Variants in ABCC6 observed in about 807,000 individuals in gnomAD.
ABCC6 encodes ATP-binding cassette sub-family C member 6.
ABCC6 carries 126 observed loss-of-function variants against 169.5 expected under a neutral mutation model. That is an observed-to-expected ratio of 0.74 (90% CI 0.64 to 0.86). ABCC6 has a LOEUF of 0.86. ABCC6 is among the 40% of genes least tolerant of loss of function. ABCC6 has a pLI of 0.00. For missense variants in ABCC6, 1,733 were observed against 1,927.2 expected, an observed-to-expected ratio of 0.90 and a Z score of 1.89; for synonymous variants, 752 against 814.7, an observed-to-expected ratio of 0.92 and a Z score of 1.31.
At chr16:16,189,270 A>T (rs756855352) in intron 12 of ABCC6, among the ~76,000 whole-genome samples, 41 of 152,224 alleles carry the variant, frequency 2.7e-4, no homozygotes, top group Non-Finnish European at 5.9e-4. Flanking sequence ...GGTTCCAGGC[A>T]TCGGGGGACA....
At chr16:16,201,598 G>A (rs752511632) in intron 9 of ABCC6, among the ~76,000 whole-genome samples, 1 of 152,072 alleles carries the variant, frequency 6.6e-6, no homozygotes, top group South Asian at 2.1e-4. Context: ...CTAAGGAGCT[G>A]AGACAGATCA....
In ABCC6 at chr16:16,157,589, A is replaced by G. The variant is rs1476648283; in HGVS notation, c.3882+74T>C. ...GACACTGTGGAGGTGGCTGGTGCCCAGGGTTTAGGGCCTTGTCCCTGGAGT... is the reference window on the plus strand; with the variant it reads ...GACACTGTGGAGGTGGCTGGTGCCCGGGGTTTAGGGCCTTGTCCCTGGAGT... On this transcript the variant is annotated intron_variant, in intron 27 of 30. Transcript: ENST00000205557. 1.9e-6 allele frequency: 3 copies of G among 1,596,340 alleles called. No individual in the cohort carries two copies. In the African/African-American group the frequency reaches 4.0e-5, roughly 21 times the overall value.
chr16:16,161,325 T>C, intron 25 of ABCC6, 113 bp downstream of exon 25: 1 of 1,513,074 alleles, frequency 6.6e-7, no homozygotes, highest in African/African-American at 1.4e-5. Flanking sequence ...GTGGAGGGAC[T>C]CCACACACCA....
chr16:16,168,064 A>G (rs532689280), intron 22 of ABCC6, among the ~76,000 whole-genome samples: 1 of 152,362 alleles, frequency 6.6e-6, no homozygotes, highest in South Asian at 2.1e-4. Context: ...TAGGACTAGA[A>G]GAGTCCTCAA....
intron 7 of ABCC6, 92 bp from the exon 8 acceptor site, chr16:16,203,705 A>G (rs1167536385): frequency 2.7e-5 from 37 of 1,394,850 alleles, no homozygotes; most frequent in African/African-American, 1.1e-4. Flanking sequence ...TTTTCCCAAC[A>G]GTGGAGATGG....
At chr16:16,197,996 A>C (rs774611901) in intron 10 of ABCC6, 25 bp downstream of exon 10, 1 of 1,610,790 alleles carries the variant, frequency 6.2e-7, no homozygotes, top group Non-Finnish European at 8.5e-7. Flanking sequence ...CTCCGTTCAA[A>C]TCCCGTCTTC....
intron 17 of ABCC6, 76 bp downstream of exon 17, chr16:16,182,336 C>T: frequency 6.4e-7 from 1 of 1,551,026 alleles, no homozygotes; most frequent in Non-Finnish European, 8.9e-7. Flanking sequence ...CATCATACTG[C>T]CCATGATGAG....
At chr16:16,217,216 C>T (rs1363268832) in intron 4 of ABCC6, among the ~76,000 whole-genome samples, 1 of 152,132 alleles carries the variant, frequency 6.6e-6, no homozygotes, top group Non-Finnish European at 1.5e-5. Context: ...TGGCAGATAG[C>T]AGACAATTGG....
Position 16,173,375 on chromosome 16 carries a change from C to T in ABCC6, c.2696G>A (p.Arg899His), listed in dbSNP as rs116355959. 2.1e-4 allele frequency: 343 copies of T among 1,614,032 alleles called. 1 individual carries two copies. In the African/African-American group the frequency reaches 3.9e-3, roughly 18 times the overall value. The change falls in exon 21 of 31, where the codon CGT (arginine) becomes CAT (histidine). Residue 899 changes from arginine (R) to histidine (H), a missense_variant. Arg to His is a conservative substitution (Grantham distance 29). This residue lies in a region of ABCC6 where 1,601 missense variants were observed against 1,635.5 expected (regional missense o/e 0.98). Transcript: ENST00000205557. ...RSIKSVPEKD[R>H]TTSEAQTEVP... ...CTCTGTCTGGGCTTCTGAAGTGGTACGGTCCTTCTCAGGGACTGACTTGAT... is the reference window on the plus strand; with the variant it reads ...CTCTGTCTGGGCTTCTGAAGTGGTATGGTCCTTCTCAGGGACTGACTTGAT...
rs545978523 is a variant in ABCC6, at chr16:16,153,491, C to T, written c.4208+1137G>A. Among the ~76,000 whole-genome samples the T allele has an allele frequency of 4.0e-5, 6 of 150,710 alleles. No individual in the cohort carries two copies. In the South Asian group the frequency reaches 1.3e-3, roughly 31 times the overall value. ...CTATGCAGTGTCTAGAGTAGTCACACTCAGAGAGACAGGAGAATGCTGGTG... is the reference window on the plus strand; with the variant it reads ...CTATGCAGTGTCTAGAGTAGTCACATTCAGAGAGACAGGAGAATGCTGGTG... On this transcript the variant is annotated intron_variant, in intron 29 of 30. Transcript: ENST00000205557.
chr16:16,198,315 C>T (rs1445809940), intron 9 of ABCC6, 133 bp from the exon 10 acceptor site: 2 of 894,276 alleles, frequency 2.2e-6, no homozygotes, highest in East Asian at 2.7e-5. Context: ...TTAGGCCAAC[C>T]TCTCAGGGCT....
At chr16:16,157,860 C>T (rs1356306432) in intron 26 of ABCC6, 51 bp from the exon 27 acceptor site, 2 of 1,576,230 alleles carry the variant, frequency 1.3e-6, no homozygotes, top group Non-Finnish European at 1.7e-6. Flanking sequence ...TAAGACTTCA[C>T]ACAAGATGGC....
chr16:16,200,429 GAAAAA>G (rs773448065), intron 9 of ABCC6, among the ~76,000 whole-genome samples: 1 of 46,986 alleles, frequency 2.1e-5, no homozygotes, highest in Non-Finnish European at 4.5e-5. Context: ...AACTCTGTCA[GAAAAA>G]AAAAAAAAAA....
At chr16:16,174,101 C>T (rs925458357) in intron 20 of ABCC6, among the ~76,000 whole-genome samples, 1 of 152,156 alleles carries the variant, frequency 6.6e-6, no homozygotes, top group Non-Finnish European at 1.5e-5. Flanking sequence ...TACATGTCTA[C>T]CTACCTTCTA....
intron 11 of ABCC6, among the ~76,000 whole-genome samples, chr16:16,191,091 G>T (rs1241901220): frequency 6.8e-6 from 1 of 146,386 alleles, no homozygotes; most frequent in Non-Finnish European, 1.5e-5. Flanking sequence ...GGGGCGGGGG[G>T]CATCATCAGA....
In ABCC6 at chr16:16,175,924, G is replaced by A. The variant is rs1420707553; in HGVS notation, c.2653C>T (p.Leu885Phe). 6.2e-7 allele frequency: 1 copy of A among 1,614,012 alleles called. No homozygotes were observed. Among genetic ancestry groups the A allele is most frequent in the African/African-American group, 1.3e-5 (1 of 74,920 alleles). Residue 885 changes from leucine to phenylalanine, a missense_variant, in exon 20 of 31, where the codon CTT becomes TTT. By Grantham distance (22) the Leu-to-Phe change is conservative. Around this residue, in one of 5 missense-constraint regions of ABCC6, gnomAD observed 1,601 missense variants for 1,635.5 expected, o/e 0.98. Coordinates refer to ENST00000205557, the MANE Select transcript of ABCC6 (RefSeq NM_001171.6). ...RGTSAGRRPE[L>F]RRERSIKSVP... is the part of the protein sequence containing the mutation. The stretch of plus-strand genomic sequence containing the variant: ...TGGTGGACTCACCTCTCGCGTCTAA[G>A]CTCGGGCCTCCTGCCTGCAGAGGTG...
At chr16:16,156,527 G>T (rs910069278) in intron 27 of ABCC6, among the ~76,000 whole-genome samples, 2 of 152,182 alleles carry the variant, frequency 1.3e-5, no homozygotes, top group East Asian at 3.9e-4. Flanking sequence ...GGGGAGGTTG[G>T]CAGGGCCTGG....
rs116562555 is a variant in ABCC6, at chr16:16,155,148, T to G, written c.3883-117A>C. The G allele has an allele frequency of 2.2e-4, 264 of 1,212,168 alleles. 1 individual carries two copies. The African/African-American group carries it at 3.6e-3, about 17-fold the overall frequency. 75.1% of individuals were successfully genotyped at this position (1,212,168 alleles called of 1,614,324 possible). A position where few individuals can be genotyped will look rare whatever the true frequency, so the allele number is the denominator to read the frequency against. ...ATCCATCCCTCATTGTGTAAAGGTC[T>G]ACCTTCCATCTCTCTTTCCATCTGT... On this transcript the variant is annotated intron_variant, in intron 27 of 30. Transcript: ENST00000205557.
In ABCC6 at chr16:16,185,080, G is replaced by A. The variant is rs115990368; in HGVS notation, c.1868-46C>T. 5.0e-3 allele frequency: 7,846 copies of A among 1,578,716 alleles called. 42 individuals are homozygous for A. The highest frequency in any genetic ancestry group is 0.011 in the South Asian group (1,013 of 90,582). ...TTTACAGGAGACCCCTGACCTGGCCGGCCTCTGCATCGGAGAGGCCCCCAG... is the reference window on the plus strand; with the variant it reads ...TTTACAGGAGACCCCTGACCTGGCCAGCCTCTGCATCGGAGAGGCCCCCAG... On this transcript the variant is annotated intron_variant, in intron 14 of 30. Transcript: ENST00000205557.
Sources: gnomAD v4.1 joint callset for allele counts (sites outside exome capture counted in the v4.1 genomes callset) on GRCh38, gnomAD v4.1.1 for gene constraint, gnomAD v4.1.1 regional missense constraint, MANE v1.5 for transcripts, NCBI Gene and HGNC (gene_info 2026-07-23, HGNC 2026-07-21) for gene names.